Variants in COQ8B observed in about 807,000 individuals in gnomAD.
COQ8B encodes the protein coenzyme Q8B, also known as atypical kinase COQ8B, mitochondrial.
COQ8B carries 44 observed loss-of-function variants against 62.0 expected under a neutral mutation model. The ratio of observed to expected loss-of-function variants is 0.71; its 90% CI spans 0.56 to 0.91. COQ8B has a LOEUF of 0.91. Ranked by LOEUF, COQ8B falls within the 40% of genes least tolerant of loss-of-function variation. The pLI is 0.00. For synonymous variants in COQ8B, 252 were observed against 289.9 expected (o/e 0.87, Z 1.33); for missense variants, 649 against 731.6 (o/e 0.89, Z 1.30).
chr19:40,714,763 C>G (rs1599642008), intron 1 of COQ8B, 128 bp from the exon 2 acceptor site: 1 of 1,293,094 alleles, frequency 7.7e-7, no homozygotes, highest in East Asian at 2.8e-5. Flanking sequence ...TTAATAGATT[C>G]CCACAGTTTC....
At chr19:40,710,686 G>A (rs2082134088) in intron 4 of COQ8B, among the ~76,000 whole-genome samples, 1 of 152,102 alleles carries the variant, frequency 6.6e-6, no homozygotes, top group Non-Finnish European at 1.5e-5. Flanking sequence ...GCAGTTCTCA[G>A]CCCTGGCTGC....
chr19:40,716,455 ATC>A (rs1219388173), intron 1 of COQ8B, 130 bp downstream of exon 1: 1 of 152,248 alleles, frequency 6.6e-6, no homozygotes, highest in Non-Finnish European at 1.5e-5. Flanking sequence ...AGGCCGGCAG[ATC>A]TCTGAGCCTC....
chr19:40,709,853 A>C (rs1467616844), intron 5 of COQ8B, among the ~76,000 whole-genome samples: 2 of 152,186 alleles, frequency 1.3e-5, no homozygotes, highest in Non-Finnish European at 2.9e-5. Flanking sequence ...AATTAAAAAA[A>C]AAAAATCTAA....
chr19:40,709,074 CTT>C (rs2082121600), intron 5 of COQ8B, among the ~76,000 whole-genome samples: 1 of 152,168 alleles, frequency 6.6e-6, no homozygotes, highest in Non-Finnish European at 1.5e-5. Flanking sequence ...TACCCACACA[CTT>C]ACTATTATTA....
chr19:40,696,016 C>T lies in COQ8B; in HGVS notation c.1182G>A (p.Gly394=), dbSNP rs764405106. 5.6e-6 allele frequency: 9 copies of T among 1,614,042 alleles called. No homozygotes were observed. The East Asian group carries it at 2.0e-4, about 36-fold the overall frequency. ...LLDFGASREF[G]TEFTDHYIEV... ...CGATGTAATGGTCTGTGAACTCTGT[C>T]CCAAACTCCCGGCTTGCACCAAAGT... is the stretch of plus-strand genomic sequence containing the variant. The change falls in exon 13 of 15, where the codon GGG becomes GGA. Residue 394 remains glycine, a synonymous_variant. Coordinates refer to ENST00000324464, the MANE Select transcript of COQ8B (RefSeq NM_024876.4).
At chr19:40,693,254 C>A (rs1264493866) in intron 13 of COQ8B, among the ~76,000 whole-genome samples, 1 of 152,182 alleles carries the variant, frequency 6.6e-6, no homozygotes, top group Non-Finnish European at 1.5e-5. Flanking sequence ...AGGGATCCTG[C>A]CCACCTAGAG....
At chr19:40,703,518 A>G (rs776576194) in intron 9 of COQ8B, 23 bp downstream of exon 9, 11 of 1,586,394 alleles carry the variant, frequency 6.9e-6, no homozygotes, top group Non-Finnish European at 7.7e-6. Flanking sequence ...GGAGGTCAGC[A>G]GAGGAGTGGG....
At chr19:40,706,512 C>G (rs981888252) in intron 5 of COQ8B, among the ~76,000 whole-genome samples, 3 of 152,204 alleles carry the variant, frequency 2.0e-5, no homozygotes, top group Non-Finnish European at 2.9e-5. Flanking sequence ...ATCACCCAGG[C>G]TGGAGTGCAG....
rs765356587 is a variant in COQ8B, at chr19:40,714,513, T to C, written c.102+18A>G. On this transcript the variant is annotated intron_variant, in intron 2 of 14. Coordinates refer to ENST00000324464, the MANE Select transcript of COQ8B (RefSeq NM_024876.4). ...CCTCAGCCTCTTCCCCTTGGGGACC[T>C]GCTCCCTAGCCTCTTACCCAGCGGT... The C allele has an allele frequency of 6.8e-6, 11 of 1,613,344 alleles. No individual in the cohort carries two copies. The East Asian group carries it at 2.2e-4, about 33-fold the overall frequency.
intron 7 of COQ8B, 75 bp downstream of exon 7, chr19:40,705,021 G>A: frequency 7.2e-7 from 1 of 1,390,086 alleles, no homozygotes; most frequent in Non-Finnish European, 9.8e-7. Context: ...GTGGGGCAGT[G>A]AAGCCAGGAA....
intron 4 of COQ8B, among the ~76,000 whole-genome samples, chr19:40,711,395 C>T (rs917872787): frequency 2.6e-5 from 4 of 152,008 alleles, no homozygotes; most frequent in Non-Finnish European, 5.9e-5. Flanking sequence ...CCACGCTCAC[C>T]TAATTTTTTA....
chr19:40,709,925 A>C (rs2082128040), intron 5 of COQ8B, 134 bp downstream of exon 5: 2 of 794,728 alleles, frequency 2.5e-6, no homozygotes, highest in Non-Finnish European at 4.2e-6. Flanking sequence ...CTTCACAATG[A>C]CTCTAAGAGG....
rs187503558 is a variant in COQ8B, at chr19:40,714,722, C to A, written c.-3-87G>T. On this transcript the variant is annotated intron_variant, in intron 1 of 14. Transcript: ENST00000324464. Reference sequence around the variant, plus strand: ...ATGTTCCTCTGTGTCCACCCTCTCTCATTCCCACCCACTAAATACTTCCTC... The same window carrying A: ...ATGTTCCTCTGTGTCCACCCTCTCTAATTCCCACCCACTAAATACTTCCTC... 3.7e-6 allele frequency: 5 copies of A among 1,345,822 alleles called. No individual in the cohort carries two copies. The African/African-American group carries it at 7.4e-5, about 20-fold the overall frequency. 83.4% of individuals were successfully genotyped at this position (1,345,822 alleles called of 1,614,324 possible).
At chr19:40,699,093 C>T (rs147983111) in intron 12 of COQ8B, among the ~76,000 whole-genome samples, 1 of 151,688 alleles carries the variant, frequency 6.6e-6, no homozygotes, top group Non-Finnish European at 1.5e-5. Context: ...GAATTACAGG[C>T]ATGAGCCACC....
chr19:40,703,688 C>G (rs1490598427), intron 8 of COQ8B, 27 bp downstream of exon 8: 2 of 1,614,060 alleles, frequency 1.2e-6, no homozygotes, highest in Admixed American at 3.3e-5. Flanking sequence ...GGTGCCCGCC[C>G]CTACCCTGCC....
intron 1 of COQ8B, chr19:40,715,668 G>T: frequency 1.0e-6 from 1 of 954,350 alleles, no homozygotes; most frequent in Non-Finnish European, 1.2e-6. Flanking sequence ...CTGAGTCTCT[G>T]TTCCCTCACA....
chr19:40,715,452 G>A, intron 1 of COQ8B: 2 of 985,388 alleles, frequency 2.0e-6, no homozygotes, highest in Non-Finnish European at 1.2e-6. Context: ...TTTACCCCTG[G>A]CAGGCTCAAC....
chr19:40,714,062 C>G lies in COQ8B; in HGVS notation c.289+5G>C. On this transcript the variant is annotated splice_donor_5th_base_variant and intron_variant, in intron 4 of 14. Transcript: ENST00000324464. ...CACACCAAGATCCCCCAAAGTCACACCTACCCCCAAAGTTGGCCAAGCGGC... is the reference window on the plus strand; with the variant it reads ...CACACCAAGATCCCCCAAAGTCACAGCTACCCCCAAAGTTGGCCAAGCGGC... 1.2e-6 allele frequency: 2 copies of G among 1,614,130 alleles called. No individual in the cohort carries two copies. The highest frequency in any genetic ancestry group is 1.7e-6 in the Non-Finnish European group (2 of 1,180,006).
At chr19:40,695,211 G>A (rs1435148679) in intron 13 of COQ8B, among the ~76,000 whole-genome samples, 8 of 151,772 alleles carry the variant, frequency 5.3e-5, no homozygotes, top group African/African-American at 1.2e-4. Flanking sequence ...CCAGCTACTC[G>A]AGAAGCTGAG....
Sources: allele counts gnomAD v4.1 joint callset (sites outside exome capture counted in the v4.1 genomes callset), GRCh38; gene constraint gnomAD v4.1.1; transcripts MANE v1.5; gene names NCBI Gene and HGNC (gene_info 2026-07-23, HGNC 2026-07-21).